PSMB6: variants seen among roughly 807,000 people sequenced by gnomAD.
PSMB6 encodes proteasome 20S subunit beta 6.
PSMB6 carries 11 observed loss-of-function variants against 28.2 expected under a neutral mutation model. That is an observed-to-expected ratio of 0.39 (90% CI 0.25 to 0.65). PSMB6 has a LOEUF of 0.65. Among genes scored for constraint, PSMB6 ranks in the 30% least tolerant of loss-of-function variants. The probability of loss-of-function intolerance (pLI) is 0.48; values close to 1 mark genes in which losing one functional copy is unlikely to be tolerated. For synonymous variants in PSMB6, 126 were observed against 117.7 expected (o/e 1.07, Z -0.45); for missense variants, 268 against 319.4 (o/e 0.84, Z 1.23).
At chr17:4,797,109 T>A in intron 2 of PSMB6, 1 of 417,796 alleles carries the variant, frequency 2.4e-6, no homozygotes, top group South Asian at 3.0e-5. Flanking sequence ...AGGTCAGGAG[T>A]TCGAGACCAG....
rs1455471170 is a variant in PSMB6 at position 4,797,438 on chromosome 17, G to A, written c.171G>A (p.Gly57=). The A allele has an allele frequency of 5.8e-6, 9 of 1,558,854 alleles. No homozygotes were observed. In the East Asian group the frequency reaches 2.0e-4, roughly 35 times the overall value. The change falls in exon 3 of 6, where the codon GGG becomes GGA. Residue 57 remains glycine (G), a splice_region_variant and synonymous_variant. Transcript: ENST00000270586. ...VLGADSRTTT[G]SYIANRVTDK... ...TCCTCACTATTCTGCCATCCTGCAG[G>A]TCCTACATCGCCAATCGAGTGACTG...
intron 1 of PSMB6, 82 bp downstream of exon 1, chr17:4,796,378 C>T: frequency 8.7e-7 from 1 of 1,151,590 alleles, no homozygotes; most frequent in South Asian, 1.4e-5. Context: ...GTTGAGAGAT[C>T]TGGCAGGGGT....
rs752074602 is a variant in PSMB6, at chr17:4,797,552, C to T, written c.285C>T (p.Tyr95=). 1.3e-6 allele frequency: 2 copies of T among 1,599,834 alleles called. No homozygotes were observed. The highest frequency in any genetic ancestry group is 1.1e-5 in the South Asian group (1 of 89,790). The part of the protein sequence containing the change: ...DTQAVADAVT[Y]QLGFHSIELN... ...AGGCAGTAGCTGATGCTGTCACCTA[C>T]CAGCTCGGTTTCCACAGGTGCTTGT... The change falls in exon 3 of 6, where the codon TAC becomes TAT. Residue 95 remains tyrosine (Y), a synonymous_variant. Transcript: ENST00000270586.
chr17:4,798,109 G>T lies in PSMB6; in HGVS notation c.533G>T (p.Arg178Leu), dbSNP rs760599519. Reference protein sequence around the residue: ...YIYGYVDATYREGMTKEECLQ... With the variant: ...YIYGYVDATYLEGMTKEECLQ... Reference sequence around the variant, plus strand: ...TATGGCTATGTTGATGCTACCTACCGGGAAGGCATGACCAAGGAAGAGTGT... The same window carrying T: ...TATGGCTATGTTGATGCTACCTACCTGGAAGGCATGACCAAGGAAGAGTGT... Residue 178 changes from arginine to leucine, a missense_variant, in exon 5 of 6, where the codon CGG becomes CTG. Coordinates refer to ENST00000270586, the MANE Select transcript of PSMB6 (RefSeq NM_002798.3). 2.5e-5 allele frequency: 40 copies of T among 1,614,026 alleles called. No homozygotes were observed. Among genetic ancestry groups the T allele is most frequent in the Non-Finnish European group, 3.3e-5 (39 of 1,180,032 alleles).
chr17:4,796,358 C>A, intron 1 of PSMB6, 62 bp downstream of exon 1: 2 of 1,332,446 alleles, frequency 1.5e-6, no homozygotes, highest in Non-Finnish European at 1.0e-6. Context: ...GAAGATAAAG[C>A]CTGAGTGGGG....
intron 2 of PSMB6, chr17:4,797,158 T>C: frequency 2.3e-6 from 1 of 444,178 alleles, no homozygotes; most frequent in East Asian, 4.2e-5. Flanking sequence ...TACTAAAAAA[T>C]ACAAAAATTA....
chr17:4,797,186 GTGCC>G, intron 2 of PSMB6: 1 of 489,480 alleles, frequency 2.0e-6, no homozygotes, highest in South Asian at 3.1e-5. Context: ...GTGGCGGTGC[GTGCC>G]TGCAGTCCCA....
chr17:4,796,635 G>C (rs2150659434), intron 1 of PSMB6, 93 bp from the exon 2 acceptor site: 1 of 1,216,680 alleles, frequency 8.2e-7, no homozygotes, highest in Non-Finnish European at 1.2e-6. Context: ...TTCAGCGACG[G>C]ACAGATTTTG....
chr17:4,797,293 C>G, intron 2 of PSMB6, 145 bp from the exon 3 acceptor site: 2 of 1,027,934 alleles, frequency 1.9e-6, no homozygotes, highest in Non-Finnish European at 2.8e-6. Context: ...CCAGCCTGGG[C>G]AACAGAGCGA....
At chr17:4,796,823 T>C (rs1333728547) in intron 2 of PSMB6, 28 bp downstream of exon 2, 1 of 1,542,600 alleles carries the variant, frequency 6.5e-7, no homozygotes, top group East Asian at 2.3e-5. Flanking sequence ...TTGTGAAAGG[T>C]CTTCCCATCT....
intron 2 of PSMB6, 127 bp downstream of exon 2, chr17:4,796,922 G>T (rs935389338): frequency 6.0e-6 from 5 of 835,152 alleles, no homozygotes; most frequent in Middle Eastern, 3.5e-4. Context: ...TGGAGATAAA[G>T]ATTTGTCCCA....
chr17:4,797,320 A>C (rs1905365502), intron 2 of PSMB6, 118 bp from the exon 3 acceptor site: 3 of 1,325,520 alleles, frequency 2.3e-6, no homozygotes, highest in Admixed American at 2.4e-5. Flanking sequence ...ATCTCAAAGA[A>C]AAAGGAAAAA....
At position 4,796,245 on chromosome 17, in the gene PSMB6, G is replaced by C; in HGVS notation, c.51G>C (p.Trp17Cys). Residue 17 changes from tryptophan (W) to cysteine (C), a missense_variant, in exon 1 of 6, where the codon TGG becomes TGC. Trp to Cys is a radical substitution (Grantham distance 215). Transcript: ENST00000270586. ...AARGAGPAPAWGPEAFTPDWE... is the reference protein window; with the variant it reads ...AARGAGPAPACGPEAFTPDWE... Reference sequence around the variant, plus strand: ...GGGGAGCCGGGCCAGCACCGGCTTGGGGGCCGGAGGCGTTCACTCCAGACT... The same window carrying C: ...GGGGAGCCGGGCCAGCACCGGCTTGCGGGCCGGAGGCGTTCACTCCAGACT... The C allele has an allele frequency of 6.3e-7, 1 of 1,592,852 alleles. No individual in the cohort carries two copies. Among genetic ancestry groups the C allele is most frequent in the Non-Finnish European group, 8.5e-7 (1 of 1,169,964 alleles).
chr17:4,796,183 C>T lies in PSMB6; in HGVS notation c.-12C>T, dbSNP rs976321409. The T allele has an allele frequency of 7.0e-6, 11 of 1,572,276 alleles. No homozygotes were observed. In the African/African-American group the frequency reaches 9.4e-5, roughly 14 times the overall value. On this transcript the variant is annotated 5_prime_UTR_variant, in exon 1 of 6. Transcript: ENST00000270586. ...TACGACAGTTGCTTTGAGGCAGTAC[C>T]GGAGGAGAAAGATGGCGGCTACCTT... is the stretch of plus-strand genomic sequence containing the variant.
chr17:4,797,352 T>C, intron 2 of PSMB6, 86 bp from the exon 3 acceptor site: 1 of 1,473,428 alleles, frequency 6.8e-7, no homozygotes, highest in Non-Finnish European at 9.1e-7. Context: ...GGACATCCTA[T>C]CCCTGAGCCC....
rs150542791 is a variant in PSMB6 at position 4,798,301 on chromosome 17, G to A, written c.599G>A (p.Arg200Gln). 1.9e-5 allele frequency: 30 copies of A among 1,614,072 alleles called. 1 individual carries two copies. Among genetic ancestry groups the A allele is most frequent in the South Asian group, 3.3e-5 (3 of 91,090 alleles). ...ACAGCTCTCGCTTTGGCCATGGAGC[G>A]GGATGGCTCCAGTGGAGGAGTGATC... ...TANALALAME[R>Q]DGSSGGVIRL... Residue 200 changes from arginine (R) to glutamine (Q), a missense_variant, in exon 6 of 6, where the codon CGG becomes CAG. Arg to Gln is a conservative substitution (Grantham distance 43). Transcript: ENST00000270586.
At chr17:4,796,322 G>A in intron 1 of PSMB6, 26 bp downstream of exon 1, 2 of 1,532,670 alleles carry the variant, frequency 1.3e-6, no homozygotes, top group Non-Finnish European at 1.8e-6. Flanking sequence ...GGGTTCATAG[G>A]ACGTGCACAA....
chr17:4,798,205 C>T, intron 5 of PSMB6, 52 bp downstream of exon 5: 4 of 1,613,168 alleles, frequency 2.5e-6, no homozygotes, highest in Non-Finnish European at 3.4e-6. Flanking sequence ...CTACCCAAGC[C>T]AGGCCAGCAT....
intron 1 of PSMB6, 27 bp from the exon 2 acceptor site, chr17:4,796,701 G>C (rs377737276): frequency 3.9e-6 from 6 of 1,553,658 alleles, no homozygotes; most frequent in Non-Finnish European, 5.3e-6. Flanking sequence ...GGAGAATGTA[G>C]ACTTACTCCT....
Sources: gnomAD v4.1 joint callset for allele counts on GRCh38, gnomAD v4.1.1 for gene constraint, MANE v1.5 for transcripts, NCBI Gene and HGNC (gene_info 2026-07-23, HGNC 2026-07-21) for gene names.